KIAA2012: variants seen among roughly 807,000 people sequenced by gnomAD.
The protein encoded by KIAA2012 is KIAA2012.
KIAA2012 carries 125 observed loss-of-function variants against 150.6 expected under a neutral mutation model. The observed-to-expected ratio is 0.83, with a 90% CI of 0.72 to 0.96. The LOEUF (loss-of-function observed/expected upper bound fraction) is 0.96. Among genes scored for constraint, KIAA2012 ranks in the 40% least tolerant of loss-of-function variants. KIAA2012 has a pLI of 0.00. For synonymous variants in KIAA2012, 462 were observed against 504.7 expected, an observed-to-expected ratio of 0.92 and a Z score of 1.13; for missense variants, 1,219 against 1,354.9, an observed-to-expected ratio of 0.90 and a Z score of 1.57.
chr2:202,196,386 G>A lies in KIAA2012; in HGVS notation c.3188-414G>A, dbSNP rs571956895. On this transcript the variant is annotated intron_variant, in intron 21 of 23. Transcript: ENST00000498697. ...ATTTTTTTGTGATTTTAGTAGAGAC[G>A]GGGTTTCGCCGTGTTAGCCAGGATG... is the stretch of plus-strand genomic sequence containing the variant. Among the ~76,000 whole-genome samples, 227 of 151,224 alleles carry A rather than the reference G, an allele frequency of 1.5e-3. 3 individuals are homozygous for A. Among genetic ancestry groups the A allele is most frequent in the Admixed American group, 3.2e-3 (48 of 15,160 alleles).
In KIAA2012 at chr2:202,196,884, G is replaced by C; in HGVS notation, c.3272G>C (p.Arg1091Pro). The C allele has an allele frequency of 6.4e-7, 1 of 1,550,720 alleles. No homozygotes were observed. The highest frequency in any genetic ancestry group is 8.7e-7 in the Non-Finnish European group (1 of 1,146,990). ...KHLMEMAEEERLEYQRRKQEA... is the reference protein window; with the variant it reads ...KHLMEMAEEEPLEYQRRKQEA... ...CTGATGGAAATGGCTGAAGAGGAACGACTGGAGTACCAGCGGCGGAAACAG... is the reference window on the plus strand; with the variant it reads ...CTGATGGAAATGGCTGAAGAGGAACCACTGGAGTACCAGCGGCGGAAACAG... The change falls in exon 22 of 24, where the codon CGA becomes CCA. Residue 1091 changes from arginine (R) to proline (P), a missense_variant. By Grantham distance (103) the Arg-to-Pro change is moderately radical (BLOSUM62 -2). Transcript: ENST00000498697.
chr2:202,160,238 G>A (rs560204696), intron 14 of KIAA2012, among the ~76,000 whole-genome samples: 4 of 152,080 alleles, frequency 2.6e-5, no homozygotes, highest in South Asian at 2.1e-4. Context: ...CCCAAGAAGG[G>A]AGCAGAGATT....
At chr2:202,079,685 T>C (rs1689402370) in intron 2 of KIAA2012, among the ~76,000 whole-genome samples, 1 of 152,250 alleles carries the variant, frequency 6.6e-6, no homozygotes, top group African/African-American at 2.4e-5. Flanking sequence ...GACTTCTGGA[T>C]ACACACAAAT....
chr2:202,196,200 T>C (rs1297561253), intron 21 of KIAA2012, among the ~76,000 whole-genome samples: 1 of 134,810 alleles, frequency 7.4e-6, no homozygotes, highest in African/African-American at 2.8e-5. Context: ...TTTTTTTTTT[T>C]TTTTTTTTTT....
chr2:202,076,950 G>A (rs1278766176), intron 2 of KIAA2012: 2 of 456,602 alleles, frequency 4.4e-6, no homozygotes, highest in African/African-American at 2.0e-5. Flanking sequence ...GCCAATGGGA[G>A]ACGCTGGAAA....
intron 13 of KIAA2012, among the ~76,000 whole-genome samples, chr2:202,150,317 A>G (rs1414776111): frequency 6.6e-6 from 1 of 152,230 alleles, no homozygotes; most frequent in African/African-American, 2.4e-5. Context: ...ACATAAAAAT[A>G]TTAAAGTATT....
intron 2 of KIAA2012, among the ~76,000 whole-genome samples, chr2:202,082,639 T>TTA (rs1249191885): frequency 1.3e-5 from 2 of 152,078 alleles, no homozygotes; most frequent in Admixed American, 6.5e-5. Context: ...GAAGTCCAAC[T>TTA]TATCTATTTT....
intron 4 of KIAA2012, among the ~76,000 whole-genome samples, chr2:202,096,019 G>T (rs139973354): frequency 0.074 from 11,269 of 152,166 alleles, 628 homozygotes; most frequent in East Asian, 0.19. Context: ...GGGAGGTGGA[G>T]GTTGCAGTGA....
At chr2:202,085,098 T>C (rs886598358) in intron 2 of KIAA2012, among the ~76,000 whole-genome samples, 13 of 152,220 alleles carry the variant, frequency 8.5e-5, no homozygotes, top group African/African-American at 3.1e-4. Flanking sequence ...AAGCAGGCCT[T>C]GGGCATCCCT....
intron 15 of KIAA2012, among the ~76,000 whole-genome samples, chr2:202,172,885 G>A (rs931432471): frequency 9.2e-5 from 14 of 152,212 alleles, no homozygotes; most frequent in South Asian, 2.1e-4. Context: ...TATGATGCCT[G>A]CACAGTCATG....
At chr2:202,108,471 G>A (rs1481195472) in intron 9 of KIAA2012, among the ~76,000 whole-genome samples, 1 of 152,196 alleles carries the variant, frequency 6.6e-6, no homozygotes, top group Non-Finnish European at 1.5e-5. Flanking sequence ...TCAGGATCAT[G>A]CATTACATTT....
rs755164030 is a variant in KIAA2012 at position 202,184,854 on chromosome 2, A to T, written c.2210+11A>T. On this transcript the variant is annotated intron_variant, in intron 16 of 23. Coordinates refer to ENST00000498697, the MANE Select transcript of KIAA2012 (RefSeq NM_001277372.4). ...TATTGTGCAAAAAGTGTAAGTGTTC[A>T]AAGTTGTAATAACATAGGCTTCTCT... 6.5e-7 allele frequency: 1 copy of T among 1,538,044 alleles called. No homozygotes were observed. Among genetic ancestry groups the T allele is most frequent in the Non-Finnish European group, 8.8e-7 (1 of 1,141,054 alleles).
intron 10 of KIAA2012, among the ~76,000 whole-genome samples, chr2:202,112,593 C>T (rs529171869): frequency 2.3e-4 from 35 of 152,190 alleles, no homozygotes; most frequent in Admixed American, 4.6e-4. Flanking sequence ...GTGGACTGAG[C>T]CCTACCCTGT....
intron 11 of KIAA2012, among the ~76,000 whole-genome samples, chr2:202,122,865 G>C (rs1287568847): frequency 6.6e-6 from 1 of 152,200 alleles, no homozygotes; most frequent in African/African-American, 2.4e-5. Context: ...AGGGGGGCAT[G>C]TGTGTCTCCT....
At chr2:202,100,188 T>G in intron 6 of KIAA2012, 119 bp from the exon 7 acceptor site, 2 of 1,098,820 alleles carry the variant, frequency 1.8e-6, no homozygotes, top group Non-Finnish European at 2.6e-6. Flanking sequence ...GCTGTCCCAG[T>G]GCCCCAGCAC....
intron 14 of KIAA2012, among the ~76,000 whole-genome samples, chr2:202,157,731 C>G (rs1214709090): frequency 6.6e-6 from 1 of 152,202 alleles, no homozygotes; most frequent in Non-Finnish European, 1.5e-5. Context: ...GGTCAGGCAG[C>G]CCAGTTCCAG....
intron 7 of KIAA2012, among the ~76,000 whole-genome samples, chr2:202,101,976 A>G (rs760516749): frequency 3.3e-5 from 5 of 152,150 alleles, no homozygotes; most frequent in Admixed American, 6.5e-5. Context: ...TCTTTGGCCC[A>G]GGAGCAAACA....
Position 202,138,502 on chromosome 2 carries a change from G to T in KIAA2012, c.1902G>T (p.Glu634Asp). The T allele has an allele frequency of 1.3e-6, 2 of 1,549,302 alleles. No individual in the cohort carries two copies. Among genetic ancestry groups the T allele is most frequent in the Non-Finnish European group, 1.7e-6 (2 of 1,145,866 alleles). The change falls in exon 13 of 24, where the codon GAG (glutamate) becomes GAT (aspartate). Residue 634 changes from glutamate (E) to aspartate (D), a missense_variant. Transcript: ENST00000498697. The stretch of plus-strand genomic sequence containing the variant: ...CCTCACCGTTGACCCAAACAACAGA[G>T]AAGCAGGTATAGTATTGACTCTGAA... ...YETSPLTQTT[E>D]KQGAQQSLEA... is the part of the protein sequence containing the mutation.
At chr2:202,100,697 C>T (rs905396564) in intron 7 of KIAA2012, among the ~76,000 whole-genome samples, 8 of 152,236 alleles carry the variant, frequency 5.3e-5, no homozygotes, top group African/African-American at 1.4e-4. Flanking sequence ...TATTACCACA[C>T]TCCCTGATAG....
Sources: gnomAD v4.1 joint callset for allele counts (sites outside exome capture counted in the v4.1 genomes callset) on GRCh38, gnomAD v4.1.1 for gene constraint, MANE v1.5 for transcripts, NCBI Gene and HGNC (gene_info 2026-07-23, HGNC 2026-07-21) for gene names.